Variants in CD151 observed in about 807,000 individuals in gnomAD.
CD151 encodes CD151 molecule (Raph blood group).
Under a neutral mutation model 34.2 loss-of-function variants are expected in CD151, and 20 were observed. The observed-to-expected ratio is 0.58, with a 90% CI of 0.41 to 0.85. The LOEUF (loss-of-function observed/expected upper bound fraction) is 0.85. Among genes scored for constraint, CD151 ranks in the 40% least tolerant of loss-of-function variants. CD151 has a pLI of 0.00. For synonymous variants in CD151, 157 were observed against 131.7 expected, an observed-to-expected ratio of 1.19 and a Z score of -1.32; for missense variants, 306 against 324.5, an observed-to-expected ratio of 0.94 and a Z score of 0.44.
intron 5 of CD151, 97 bp from the exon 6 acceptor site, chr11:837,152 TG>T: frequency 1.0e-6 from 1 of 992,542 alleles, no homozygotes; most frequent in Non-Finnish European, 1.6e-6. Context: ...GGCTCTGAGC[TG>T]GGCCCCGGGC....
chr11:836,355 C>A lies in CD151; in HGVS notation c.189C>A (p.Ile63=), dbSNP rs761070004. ...GCACCTACCTGGCCACAGCCTACATCCTGGTGGTGGCGGGCACTGTCGTCA... is the reference window on the plus strand; with the variant it reads ...GCACCTACCTGGCCACAGCCTACATACTGGTGGTGGCGGGCACTGTCGTCA... ...ASGTYLATAY[I]LVVAGTVVMV... The change falls in exon 4 of 9, where the codon ATC becomes ATA. Residue 63 remains isoleucine, a synonymous_variant. Transcript: ENST00000397420. 3.1e-6 allele frequency: 5 copies of A among 1,612,494 alleles called. No individual in the cohort carries two copies. Among genetic ancestry groups the A allele is most frequent in the Non-Finnish European group, 4.2e-6 (5 of 1,179,850 alleles).
At chr11:835,902 T>C (rs1453120645) in intron 2 of CD151, 161 bp from the exon 3 acceptor site, 4 of 614,464 alleles carry the variant, frequency 6.5e-6, no homozygotes, top group South Asian at 3.6e-5. Context: ...TTAGCCAGGA[T>C]GGTCTTGATC....
chr11:837,390 C>T, intron 6 of CD151, 36 bp downstream of exon 6: 1 of 1,609,954 alleles, frequency 6.2e-7, no homozygotes, highest in African/African-American at 1.3e-5. Flanking sequence ...CGTGCATCCC[C>T]AGGGCCTCCC....
At position 836,076 on chromosome 11, in the gene CD151, G is replaced by C; in HGVS notation, c.7G>C (p.Glu3Gln). The change falls in exon 3 of 9, where the codon GAG becomes CAG. Residue 3 changes from glutamate (E) to glutamine (Q), a missense_variant. Coordinates refer to ENST00000397420, the MANE Select transcript of CD151 (RefSeq NM_004357.5). MG[E>Q]FNEKKTTCGT... ...CTGCCTCCTCAGCCCCAGGATGGGTGAGTTCAACGAGAAGAAGACAACATG... is the reference window on the plus strand; with the variant it reads ...CTGCCTCCTCAGCCCCAGGATGGGTCAGTTCAACGAGAAGAAGACAACATG... 6.2e-7 allele frequency: 1 copy of C among 1,610,872 alleles called. No homozygotes were observed. Among genetic ancestry groups the C allele is most frequent in the Non-Finnish European group, 8.5e-7 (1 of 1,178,044 alleles).
rs143725953 is a variant in CD151, at chr11:837,304, C to T, written c.406C>T (p.Gln136Ter). 5.6e-6 allele frequency: 9 copies of T among 1,612,922 alleles called. No homozygotes were observed. Among genetic ancestry groups the T allele is most frequent in the African/African-American group, 1.3e-5 (1 of 74,930 alleles). ...GGACACCATGACCAAGCGCTACCAC[C>T]AGCCGGGCCATGAGGCTGTGACCAG... ...LKDTMTKRYH[Q>*]PGHEAVTSAV... The change falls in exon 6 of 9, where the codon CAG becomes TAG. Residue 136 changes from glutamine to a stop codon, truncating the protein, a stop_gained. Coordinates refer to ENST00000397420, the MANE Select transcript of CD151 (RefSeq NM_004357.5). LOFTEE classifies it high-confidence loss of function.
rs145755423 is a variant in CD151 at position 837,565 on chromosome 11, G to C, written c.562G>C (p.Val188Leu). 30 of 1,613,052 alleles carry C rather than the reference G, an allele frequency of 1.9e-5. No homozygotes were observed. The African/African-American group carries it at 3.9e-4, about 21-fold the overall frequency. ...GGTCCCAGACAGCTGCTGCAAGACG[G>C]TGGTGGCTCTTTGTGGGCAGCGAGA... ...RVVPDSCCKTVVALCGQRDHA... is the reference protein window; with the variant it reads ...RVVPDSCCKTLVALCGQRDHA... The change falls in exon 7 of 9, where the codon GTG (valine) becomes CTG (leucine). Residue 188 changes from valine (V) to leucine (L), a missense_variant. Physicochemically the swap from Val to Leu is conservative, Grantham distance 32 (BLOSUM62 1). Coordinates refer to ENST00000397420, the MANE Select transcript of CD151 (RefSeq NM_004357.5).
At position 838,312 on chromosome 11, in the gene CD151, A is replaced by G; in HGVS notation, c.*120A>G. The G allele has an allele frequency of 3.7e-6, 3 of 812,350 alleles. No homozygotes were observed. Among genetic ancestry groups the G allele is most frequent in the Non-Finnish European group, 6.2e-6 (3 of 484,810 alleles). 50.3% of individuals were successfully genotyped at this position (812,350 alleles called of 1,614,324 possible). On this transcript the variant is annotated 3_prime_UTR_variant, in exon 9 of 9. Coordinates refer to ENST00000397420, the MANE Select transcript of CD151 (RefSeq NM_004357.5). Reference sequence around the variant, plus strand: ...CATCACCATAACCTCTGGGGACCCCAACCTCAGAGGCAGCTTCAAGTGCCT... The same window carrying G: ...CATCACCATAACCTCTGGGGACCCCGACCTCAGAGGCAGCTTCAAGTGCCT...
chr11:836,889 CG>C (rs1565118096), intron 5 of CD151, 46 bp downstream of exon 5: 1 of 1,545,032 alleles, frequency 6.5e-7, no homozygotes, highest in East Asian at 2.2e-5. Flanking sequence ...CATGCACAGG[CG>C]GGGCGGACAC....
intron 7 of CD151, 102 bp downstream of exon 7, chr11:837,720 G>C: frequency 1.6e-6 from 2 of 1,235,120 alleles, no homozygotes; most frequent in Non-Finnish European, 2.3e-6. Context: ...ATATCTACCA[G>C]GAGGTGGGGG....
At position 837,281 on chromosome 11, in the gene CD151, A is replaced by C; in HGVS notation, c.383A>C (p.Asp128Ala). The C allele has an allele frequency of 6.2e-7, 1 of 1,613,030 alleles. No individual in the cohort carries two copies. The highest frequency in any genetic ancestry group is 8.5e-7 in the Non-Finnish European group (1 of 1,179,910). Reference sequence around the variant, plus strand: ...ACGGAGCTCAAGGAGAACCTGAAGGACACCATGACCAAGCGCTACCACCAG... The same window carrying C: ...ACGGAGCTCAAGGAGAACCTGAAGGCCACCATGACCAAGCGCTACCACCAG... ...LNTELKENLK[D>A]TMTKRYHQPG... Residue 128 changes from aspartate (D) to alanine (A), a missense_variant, in exon 6 of 9, where the codon GAC (aspartate) becomes GCC (alanine). By Grantham distance (126) the Asp-to-Ala change is moderately radical. Coordinates refer to ENST00000397420, the MANE Select transcript of CD151 (RefSeq NM_004357.5).
In CD151 at chr11:838,572, G is replaced by C. The variant is rs915312906; in HGVS notation, c.*380G>C. The C allele has an allele frequency of 1.5e-5, 5 of 325,436 alleles. No individual in the cohort carries two copies. The highest frequency in any genetic ancestry group is 2.3e-5 in the Non-Finnish European group (4 of 172,608). 20.2% of individuals were successfully genotyped at this position (325,436 alleles called of 1,614,324 possible). A position where few individuals can be genotyped will look rare whatever the true frequency, so the allele number is the denominator to read the frequency against. Reference sequence around the variant, plus strand: ...CTTGCAGCCACATGGCCCCATCCCAGTTGGGGAAGCCAGGTGAGCTCTGAC... The same window carrying C: ...CTTGCAGCCACATGGCCCCATCCCACTTGGGGAAGCCAGGTGAGCTCTGAC... On this transcript the variant is annotated 3_prime_UTR_variant, in exon 9 of 9. Transcript: ENST00000397420.
rs2133959384 is a variant in CD151, at chr11:836,263, G to T, written c.97G>T (p.Ala33Ser). Residue 33 changes from alanine to serine, a missense_variant, in exon 4 of 9, where the codon GCT becomes TCT. Physicochemically the swap from Ala to Ser is moderately conservative, Grantham distance 99. Transcript: ENST00000397420. ...YNCCFWLAGL[A>S]VMAVGIWTLA... is the part of the protein sequence containing the mutation. The stretch of plus-strand genomic sequence containing the variant: ...GTACTGCTTGTAGCTGGCTGGCCTG[G>T]CTGTCATGGCAGTGGGCATCTGGAC... The T allele has an allele frequency of 6.2e-7, 1 of 1,612,488 alleles. No individual in the cohort carries two copies. The highest frequency in any genetic ancestry group is 1.7e-5 in the Admixed American group (1 of 60,000).
At position 836,837 on chromosome 11, in the gene CD151, C is replaced by T. The variant is rs1041173388; in HGVS notation, c.345C>T (p.Tyr115=). The T allele has an allele frequency of 1.5e-5, 24 of 1,612,478 alleles. No homozygotes were observed. The highest frequency in any genetic ancestry group is 1.9e-5 in the Non-Finnish European group (23 of 1,179,812). ...CTGGTATCCTCGCCTACGCCTACTA[C>T]CAGCAGGTGAGGGGCCTGGGCAGGC... ...IIAGILAYAY[Y]QQLNTELKEN... The change falls in exon 5 of 9, where the codon TAC becomes TAT. Residue 115 remains tyrosine (Y), a synonymous_variant. Coordinates refer to ENST00000397420, the MANE Select transcript of CD151 (RefSeq NM_004357.5).
chr11:837,602 A>G lies in CD151; in HGVS notation c.599A>G (p.Asn200Ser), dbSNP rs779059564. 4 of 1,612,386 alleles carry G rather than the reference A, an allele frequency of 2.5e-6. No individual in the cohort carries two copies. Among genetic ancestry groups the G allele is most frequent in the Non-Finnish European group, 3.4e-6 (4 of 1,179,620 alleles). Residue 200 changes from asparagine (N) to serine (S), a missense_variant, in exon 7 of 9, where the codon AAC becomes AGC. Coordinates refer to ENST00000397420, the MANE Select transcript of CD151 (RefSeq NM_004357.5). ...ALCGQRDHAS[N>S]IYKVEGGCIT... ...TGTGGGCAGCGAGACCATGCCTCCA[A>G]CATCTACAAGGTGGAGGTGGGTGTG...
rs758399675 is a variant in CD151, at chr11:836,868, A to G, written c.351+25A>G. On this transcript the variant is annotated intron_variant, in intron 5 of 8. Transcript: ENST00000397420. ...GGTGAGGGGCCTGGGCAGGCCATTC[A>G]GAGACACAGACATGCACAGGCGGGG... The G allele has an allele frequency of 1.1e-5, 18 of 1,604,160 alleles. No individual in the cohort carries two copies. In the South Asian group the frequency reaches 1.9e-4, roughly 17 times the overall value.
Position 836,473 on chromosome 11 carries a change from G to T in CD151, c.276+31G>T, listed in dbSNP as rs780093397. 12 of 1,539,246 alleles carry T rather than the reference G, an allele frequency of 7.8e-6. No individual in the cohort carries two copies. In the Middle Eastern group the frequency reaches 1.4e-3, roughly 174 times the overall value. ...GAGGGCGCAGGGCCACGGGGTGGGG[G>T]TGGTGCAGATGGGCCCAAGGAGGTT... On this transcript the variant is annotated intron_variant, in intron 4 of 8. Coordinates refer to ENST00000397420, the MANE Select transcript of CD151 (RefSeq NM_004357.5).
chr11:836,021 CCCGGT>C, intron 2 of CD151, 37 bp from the exon 3 acceptor site: 2 of 1,172,366 alleles, frequency 1.7e-6, no homozygotes, highest in Non-Finnish European at 2.6e-6. Flanking sequence ...CAGTCAGGGG[CCCGGT>C]GCTGTGGCCC....
Position 836,554 on chromosome 11 carries a change from G to A in CD151, c.276+112G>A, listed in dbSNP as rs557213758. On this transcript the variant is annotated intron_variant, in intron 4 of 8. Transcript: ENST00000397420. ...TGTGCTCACCTGGGGGGGGGGTCAC[G>A]GTCCTTCCACACCTGCCTAGTCCTG... 16 of 902,166 alleles carry A rather than the reference G, an allele frequency of 1.8e-5. No individual in the cohort carries two copies. In the South Asian group the frequency reaches 2.1e-4, roughly 12 times the overall value. The allele number at this position is 902,166 out of a possible 1,614,324, so 55.9% of individuals were successfully genotyped here.
At position 837,608 on chromosome 11, in the gene CD151, A is replaced by G; in HGVS notation, c.605A>G (p.Tyr202Cys). The change falls in exon 7 of 9, where the codon TAC becomes TGC. Residue 202 changes from tyrosine (Y) to cysteine (C), a missense_variant. Physicochemically the swap from Tyr to Cys is radical, Grantham distance 194 (BLOSUM62 -2). Coordinates refer to ENST00000397420, the MANE Select transcript of CD151 (RefSeq NM_004357.5). ...CGQRDHASNI[Y>C]KVEGGCITKL... ...CAGCGAGACCATGCCTCCAACATCT[A>G]CAAGGTGGAGGTGGGTGTGCAGCGG... The G allele has an allele frequency of 6.2e-7, 1 of 1,612,080 alleles. No individual in the cohort carries two copies. The highest frequency in any genetic ancestry group is 8.5e-7 in the Non-Finnish European group (1 of 1,179,646).
Sources: gnomAD v4.1 joint callset for allele counts on GRCh38, gnomAD v4.1.1 for gene constraint, MANE v1.5 for transcripts, NCBI Gene and HGNC (gene_info 2026-07-23, HGNC 2026-07-21) for gene names.